The following BAZ1A variants were observed in gnomAD, a reference collection of about 807,000 sequenced individuals.
BAZ1A encodes bromodomain adjacent to zinc finger domain protein 1A.
Under a neutral mutation model 185.2 loss-of-function variants are expected in BAZ1A, and 50 were observed. The ratio of observed to expected loss-of-function variants is 0.27; its 90% CI spans 0.22 to 0.34. BAZ1A has a LOEUF of 0.34. Ranked by LOEUF, BAZ1A falls within the 10% of genes least tolerant of loss-of-function variation. The pLI is 1.00. For missense variants in BAZ1A, 1,356 were observed against 1,839.9 expected (o/e 0.74, Z 4.81); for synonymous variants, 571 against 615.6 (o/e 0.93, Z 1.07).
At chr14:34,873,663 T>G (rs2138852403) in intron 2 of BAZ1A, among the ~76,000 whole-genome samples, 1 of 152,270 alleles carries the variant, frequency 6.6e-6, no homozygotes, top group East Asian at 1.9e-4. Context: ...TATGCGAAAG[T>G]GAAAACGAGG....
At chr14:34,816,324 TGATCC>T (rs1159368863) in intron 4 of BAZ1A, among the ~76,000 whole-genome samples, 1 of 152,044 alleles carries the variant, frequency 6.6e-6, no homozygotes, top group East Asian at 1.9e-4. Context: ...CCTGACCTCG[TGATCC>T]ACCCGCCCTG....
intron 3 of BAZ1A, among the ~76,000 whole-genome samples, chr14:34,839,175 G>A (rs949389557): frequency 5.3e-5 from 8 of 152,162 alleles, no homozygotes; most frequent in African/African-American, 1.9e-4. Flanking sequence ...TAACTACAAA[G>A]CGGCAGAAAT....
At chr14:34,849,342 A>G (rs2042563247) in intron 3 of BAZ1A, among the ~76,000 whole-genome samples, 1 of 152,190 alleles carries the variant, frequency 6.6e-6, no homozygotes, top group South Asian at 2.1e-4. Context: ...ATACGAGAAG[A>G]CATCCAAACC....
At position 34,795,245 on chromosome 14, in the gene BAZ1A, T is replaced by C. The variant is rs935794183; in HGVS notation, c.1225-358A>G. Among the ~76,000 whole-genome samples, 8 of 152,324 alleles carry C rather than the reference T, an allele frequency of 5.3e-5. No individual in the cohort carries two copies. In the East Asian group the frequency reaches 7.7e-4, roughly 15 times the overall value. On this transcript the variant is annotated intron_variant, in intron 10 of 26. Transcript: ENST00000360310. ...CTGTGAAATACTACCTTCAATGTAGTAGCTCCTTATGATTTGGAACATAAT... is the reference window on the plus strand; with the variant it reads ...CTGTGAAATACTACCTTCAATGTAGCAGCTCCTTATGATTTGGAACATAAT...
At chr14:34,759,834 C>A (rs1886447717) in intron 24 of BAZ1A, among the ~76,000 whole-genome samples, 1 of 152,080 alleles carries the variant, frequency 6.6e-6, no homozygotes, top group East Asian at 1.9e-4. Flanking sequence ...GCTACCACAC[C>A]CAGCTAATTT....
intron 2 of BAZ1A, among the ~76,000 whole-genome samples, chr14:34,862,570 A>G (rs2042785810): frequency 6.6e-6 from 1 of 152,144 alleles, no homozygotes; most frequent in Admixed American, 6.6e-5. Flanking sequence ...CCAGACTTTG[A>G]GTTCCATCTG....
rs547190105 is a variant in BAZ1A, at chr14:34,839,020, G to A, written c.393-12864C>T. Among the ~76,000 whole-genome samples the A allele has an allele frequency of 3.5e-4, 54 of 152,310 alleles. 1 individual carries two copies. Among genetic ancestry groups the A allele is most frequent in the Non-Finnish European group, 6.2e-4 (42 of 68,032 alleles). ...GTAATGATGACACTGTAGTATTGGTGAAAGGATTGCCAAACAGATCAATGG... is the reference window on the plus strand; with the variant it reads ...GTAATGATGACACTGTAGTATTGGTAAAAGGATTGCCAAACAGATCAATGG... On this transcript the variant is annotated intron_variant, in intron 3 of 26. Coordinates refer to ENST00000360310, the MANE Select transcript of BAZ1A (RefSeq NM_013448.3).
chr14:34,841,727 A>G (rs2042418389), intron 3 of BAZ1A, among the ~76,000 whole-genome samples: 1 of 152,112 alleles, frequency 6.6e-6, no homozygotes, highest in South Asian at 2.1e-4. Flanking sequence ...ATTCAGTCCT[A>G]TATCAGTTAT....
intron 4 of BAZ1A, among the ~76,000 whole-genome samples, chr14:34,822,436 C>T (rs1052364030): frequency 3.3e-5 from 5 of 152,136 alleles, no homozygotes; most frequent in African/African-American, 1.2e-4. Flanking sequence ...CCAGCCTGAG[C>T]AACATGATGA....
At chr14:34,768,826 CTTAAGGGT>C (rs1879025428) in intron 21 of BAZ1A, 1 of 374,666 alleles carries the variant, frequency 2.7e-6, no homozygotes, top group Non-Finnish European at 5.2e-6. Context: ...TTTTTCATAG[CTTAAGGGT>C]TTAAGCATAA....
intron 9 of BAZ1A, among the ~76,000 whole-genome samples, chr14:34,796,376 C>G (rs2138643680): frequency 6.6e-6 from 1 of 152,268 alleles, no homozygotes; most frequent in South Asian, 2.1e-4. Flanking sequence ...AGCTTTCCCT[C>G]TACTTCCTAT....
chr14:34,786,183 T>C lies in BAZ1A; in HGVS notation c.1549A>G (p.Lys517Glu). The C allele has an allele frequency of 6.2e-7, 1 of 1,613,916 alleles. No homozygotes were observed. Residue 517 changes from lysine (K) to glutamate (E), a missense_variant, in exon 13 of 27, where the codon AAA becomes GAA. By Grantham distance (56) the Lys-to-Glu change is moderately conservative. Around this residue, in one of 7 missense-constraint regions of BAZ1A, gnomAD observed 184 missense variants for 355.1 expected, o/e 0.52. Transcript: ENST00000360310. ...EALDEDADPT[K>E]SALSAVASLA... ...GATGCAACTGCAGACAGTGCAGATTTTGTGGGGTCTGCATCTTCATCCAAA... is the reference window on the plus strand; with the variant it reads ...GATGCAACTGCAGACAGTGCAGATTCTGTGGGGTCTGCATCTTCATCCAAA...
chr14:34,810,839 C>T, intron 5 of BAZ1A, 96 bp downstream of exon 5: 2 of 822,136 alleles, frequency 2.4e-6, no homozygotes, highest in Non-Finnish European at 3.9e-6. Context: ...GGAAAGCAAT[C>T]ACAGTACTTC....
chr14:34,828,306 AAAAAAAAAAT>A (rs1185110601), intron 3 of BAZ1A, among the ~76,000 whole-genome samples: 1 of 151,540 alleles, frequency 6.6e-6, no homozygotes, highest in Non-Finnish European at 1.5e-5. Context: ...AAAAAAAAAA[AAAAAAAAAAT>A]ACTCCTTAAT....
chr14:34,771,441 T>C (rs533619268), intron 21 of BAZ1A, 70 bp downstream of exon 21: 13 of 1,404,806 alleles, frequency 9.3e-6, no homozygotes, highest in Non-Finnish European at 1.3e-5. Context: ...AATAAAGTTC[T>C]ATTAGTTAAA....
intron 4 of BAZ1A, among the ~76,000 whole-genome samples, chr14:34,821,812 C>A (rs550175026): frequency 1.6e-4 from 25 of 151,888 alleles, no homozygotes; most frequent in Admixed American, 3.3e-4. Context: ...TGGAGAAACC[C>A]CATTTCTATT....
intron 4 of BAZ1A, among the ~76,000 whole-genome samples, 180 bp from the exon 5 acceptor site, chr14:34,811,216 C>A (rs575352709): frequency 5.9e-5 from 9 of 152,310 alleles, no homozygotes; most frequent in East Asian, 5.8e-4. Context: ...GCAGTCTCAG[C>A]TCACTGCAAC....
chr14:34,853,203 A>T (rs2042623364), intron 3 of BAZ1A, among the ~76,000 whole-genome samples: 1 of 152,218 alleles, frequency 6.6e-6, no homozygotes. Flanking sequence ...CTGTCACAAG[A>T]CTTCTCCTGT....
At chr14:34,856,090 G>A (rs2042672070) in intron 3 of BAZ1A, among the ~76,000 whole-genome samples, 1 of 152,028 alleles carries the variant, frequency 6.6e-6, no homozygotes, top group Non-Finnish European at 1.5e-5. Context: ...CAAAGGATTG[G>A]AACAAGCAAG....
Sources: gnomAD v4.1 joint callset for allele counts (sites outside exome capture counted in the v4.1 genomes callset) on GRCh38, gnomAD v4.1.1 for gene constraint, gnomAD v4.1.1 regional missense constraint, MANE v1.5 for transcripts, NCBI Gene and HGNC (gene_info 2026-07-23, HGNC 2026-07-21) for gene names.